Variants in RIMBP2 observed in about 807,000 individuals in gnomAD.
RIMBP2 encodes the protein RIMS binding protein 2.
Under a neutral mutation model 118.6 loss-of-function variants are expected in RIMBP2, and 48 were observed. The ratio of observed to expected loss-of-function variants is 0.40; its 90% CI spans 0.32 to 0.51. The LOEUF is 0.51. Among genes scored for constraint, RIMBP2 ranks in the 20% least tolerant of loss-of-function variants. RIMBP2 has a pLI of 0.41. For missense variants in RIMBP2, 1,551 were observed against 1,768.3 expected (o/e 0.88, Z 2.20); for synonymous variants, 762 against 742.9 (o/e 1.03, Z -0.42).
At chr12:130,686,904 G>C (rs2065075829) in intron 1 of RIMBP2, among the ~76,000 whole-genome samples, 1 of 152,226 alleles carries the variant, frequency 6.6e-6, no homozygotes, top group Non-Finnish European at 1.5e-5. Context: ...AACAGCGCAA[G>C]GCACAGGCGG....
At position 130,424,668 on chromosome 12, in the gene RIMBP2, C is replaced by T; in HGVS notation, c.2603G>A (p.Arg868Lys). ...RARTGLAREP[R>K]PGRPYRGDEA... is the part of the protein sequence containing the mutation. The stretch of plus-strand genomic sequence containing the variant: ...GTCGCCCCTGTAGGGCCTGCCGGGC[C>T]TGGGCTCTCTGGCCAGCCCCGTCCT... Residue 868 changes from arginine (R) to lysine (K), a missense_variant, in exon 16 of 23, where the codon AGG (arginine) becomes AAG (lysine). Physicochemically the swap from Arg to Lys is conservative, Grantham distance 26. Around this residue, in one of 5 missense-constraint regions of RIMBP2, gnomAD observed 1,038 missense variants for 1,125.1 expected, o/e 0.92. Transcript: ENST00000690449. This position sits in a 1 kb window ranked among gnomAD's most constrained non-coding sequence, Gnocchi z 9.8. 8.1e-7 allele frequency: 1 copy of T among 1,231,904 alleles called. No homozygotes were observed. The highest frequency in any genetic ancestry group is 1.0e-6 in the Non-Finnish European group (1 of 987,864). The allele number at this position is 1,231,904 out of a possible 1,614,324, so 76.3% of individuals were successfully genotyped here.
At chr12:130,711,216 C>G (rs557263190) in intron 1 of RIMBP2, among the ~76,000 whole-genome samples, 2 of 152,202 alleles carry the variant, frequency 1.3e-5, no homozygotes, top group East Asian at 3.8e-4. Context: ...GCATTCCAGC[C>G]TGGGTGACAG....
chr12:130,414,199 C>T lies in RIMBP2; in HGVS notation c.3346G>A (p.Asp1116Asn), dbSNP rs746048585. 1.2e-5 allele frequency: 19 copies of T among 1,614,030 alleles called. No individual in the cohort carries two copies. Among genetic ancestry groups the T allele is most frequent in the Admixed American group, 3.3e-5 (2 of 59,994 alleles). Residue 1116 changes from aspartate (D) to asparagine (N), a missense_variant, in exon 18 of 23, where the codon GAC becomes AAC. This residue lies in a region of RIMBP2 where 1,038 missense variants were observed against 1,125.1 expected (regional missense o/e 0.92). Transcript: ENST00000690449. ...ARIFVALFDY[D>N]PLTMSPNPDA... is the part of the protein sequence containing the mutation. ...GGGTTTGGGGACATGGTGAGCGGGTCGTAGTCAAAGAGAGCCACAAAGATC... is the reference window on the plus strand; with the variant it reads ...GGGTTTGGGGACATGGTGAGCGGGTTGTAGTCAAAGAGAGCCACAAAGATC...
At chr12:130,700,592 G>A (rs2065810841) in intron 1 of RIMBP2, among the ~76,000 whole-genome samples, 1 of 152,204 alleles carries the variant, frequency 6.6e-6, no homozygotes, top group Admixed American at 6.5e-5. Flanking sequence ...GGGGCAGGGG[G>A]CTGGCCACAG....
At chr12:130,410,037 C>T (rs1234416917) in intron 19 of RIMBP2, among the ~76,000 whole-genome samples, 3 of 152,258 alleles carry the variant, frequency 2.0e-5, no homozygotes, top group South Asian at 4.1e-4. Flanking sequence ...ACCTGGCACA[C>T]TTTGTGCCCA....
intron 19 of RIMBP2, among the ~76,000 whole-genome samples, chr12:130,408,538 TAAG>T (rs986643996): frequency 1.3e-5 from 2 of 152,066 alleles, no homozygotes; most frequent in Non-Finnish European, 2.9e-5. Context: ...CTCAGAAGCA[TAAG>T]AAGGGGCTGC....
chr12:130,642,734 T>C (rs989124914), intron 1 of RIMBP2, among the ~76,000 whole-genome samples: 2 of 152,252 alleles, frequency 1.3e-5, no homozygotes, highest in Non-Finnish European at 2.9e-5. Context: ...TTAATCCTGA[T>C]AGCAACAACC....
intron 4 of RIMBP2, among the ~76,000 whole-genome samples, chr12:130,500,361 G>C (rs2049624366): frequency 6.6e-6 from 1 of 152,232 alleles, no homozygotes; most frequent in Admixed American, 6.5e-5. Context: ...AGGAAGCTGA[G>C]GCAGGAGTAT....
intron 7 of RIMBP2, among the ~76,000 whole-genome samples, chr12:130,455,130 G>A (rs2079315280): frequency 6.6e-6 from 1 of 152,258 alleles, no homozygotes; most frequent in Admixed American, 6.5e-5. Flanking sequence ...TTGTCGCACG[G>A]AGTGGGGCTC....
At chr12:130,631,760 A>T (rs1232854155) in intron 1 of RIMBP2, among the ~76,000 whole-genome samples, 1 of 152,190 alleles carries the variant, frequency 6.6e-6, no homozygotes, top group African/African-American at 2.4e-5. Flanking sequence ...AAAGTATTGA[A>T]AGTGGGCTCA....
At position 130,501,816 on chromosome 12, in the gene RIMBP2, C is replaced by T. The variant is rs138677203; in HGVS notation, c.-4+4832G>A. ...CCACCAGCTTGCCCTTGAATTCTTCCCTGGGCAAAGCCAAGAACCCTCCCA... is the reference window on the plus strand; with the variant it reads ...CCACCAGCTTGCCCTTGAATTCTTCTCTGGGCAAAGCCAAGAACCCTCCCA... On this transcript the variant is annotated intron_variant, in intron 4 of 22. Coordinates refer to ENST00000690449, the MANE Select transcript of RIMBP2 (RefSeq NM_001393629.1). Among the ~76,000 whole-genome samples the T allele has an allele frequency of 4.5e-3, 685 of 152,310 alleles. 3 individuals are homozygous for T. The highest frequency in any genetic ancestry group is 3.9e-3 in the Admixed American group (60 of 15,306).
Position 130,597,433 on chromosome 12 carries a change from G to A in RIMBP2, c.-217+30889C>T, listed in dbSNP as rs547117007. On this transcript the variant is annotated intron_variant, in intron 2 of 22. Coordinates refer to ENST00000690449, the MANE Select transcript of RIMBP2 (RefSeq NM_001393629.1). ...TAATTTTTGTATTTTTAGTAGAGACGGGATTTCACCATGTTGGTCAGGCTG... is the reference window on the plus strand; with the variant it reads ...TAATTTTTGTATTTTTAGTAGAGACAGGATTTCACCATGTTGGTCAGGCTG... Among the ~76,000 whole-genome samples the A allele has an allele frequency of 5.3e-5, 8 of 152,166 alleles. No homozygotes were observed. In the East Asian group the frequency reaches 5.8e-4, roughly 11 times the overall value.
At chr12:130,399,632 AT>A in intron 22 of RIMBP2, 46 bp downstream of exon 22, 1 of 1,605,852 alleles carries the variant, frequency 6.2e-7, no homozygotes, top group South Asian at 1.1e-5. Flanking sequence ...TAGACCACAT[AT>A]GGCAGAACGG....
chr12:130,527,265 A>G (rs1401231044), intron 2 of RIMBP2, among the ~76,000 whole-genome samples: 1 of 152,244 alleles, frequency 6.6e-6, no homozygotes, highest in African/African-American at 2.4e-5. Context: ...AATGTGAAAT[A>G]CTATGCTAAT....
At position 130,478,903 on chromosome 12, in the gene RIMBP2, G is replaced by A. The variant is rs367831540; in HGVS notation, c.102+9C>T. 7.2e-5 allele frequency: 116 copies of A among 1,606,976 alleles called. No homozygotes were observed. Among genetic ancestry groups the A allele is most frequent in the South Asian group, 5.6e-4 (51 of 90,650 alleles). The stretch of plus-strand genomic sequence containing the variant: ...CCTCGCACGCCGCGCCCGGCTGCCC[G>A]CCGCTTACCTTCTGCAGAAGGTCAA... On this transcript the variant is annotated intron_variant, in intron 5 of 22. Coordinates refer to ENST00000690449, the MANE Select transcript of RIMBP2 (RefSeq NM_001393629.1).
In RIMBP2 at chr12:130,523,436, T is replaced by C. The variant is rs1301068191; in HGVS notation, c.-216-5519A>G. Among the ~76,000 whole-genome samples the C allele has an allele frequency of 6.6e-6, 1 of 152,190 alleles. No homozygotes were observed. The highest frequency in any genetic ancestry group is 1.5e-5 in the Non-Finnish European group (1 of 68,034). On this transcript the variant is annotated intron_variant, in intron 2 of 22. Coordinates refer to ENST00000690449, the MANE Select transcript of RIMBP2 (RefSeq NM_001393629.1). This position sits in a 1 kb window ranked among gnomAD's most constrained non-coding sequence, Gnocchi z 4.4. ...TGCTATGGCAGCCTGAGCTAGTGTA[T>C]AGCCTCTGCTAAAGCAACGAGACAT...
intron 2 of RIMBP2, among the ~76,000 whole-genome samples, chr12:130,573,683 G>A (rs2090232): frequency 6.6e-6 from 1 of 152,082 alleles, no homozygotes; most frequent in South Asian, 2.1e-4. Flanking sequence ...TCAGTGACAG[G>A]GGTAGCCAAG....
In RIMBP2 at chr12:130,523,103, TTC is replaced by T; in HGVS notation, c.-216-5188_-216-5187del. Among the ~76,000 whole-genome samples the T allele has an allele frequency of 6.6e-6, 1 of 152,128 alleles. No individual in the cohort carries two copies. Among genetic ancestry groups the T allele is most frequent in the South Asian group, 2.1e-4 (1 of 4,802 alleles). ...CTCCACGTCTCTGTTTCTCTGCTTC[TTC>T]TGTCTCTCCCAGTCTCACTCTGCCT... On this transcript the variant is annotated intron_variant, in intron 2 of 22. Coordinates refer to ENST00000690449, the MANE Select transcript of RIMBP2 (RefSeq NM_001393629.1). The surrounding 1 kb of genome is among the most constrained non-coding windows in gnomAD (Gnocchi z 4.4).
chr12:130,655,825 T>C (rs528087573), intron 1 of RIMBP2, among the ~76,000 whole-genome samples: 8 of 152,322 alleles, frequency 5.3e-5, no homozygotes, highest in Non-Finnish European at 1.2e-4. Context: ...GGAGGGACGT[T>C]GGCTTCAGAC....
Sources: gnomAD v4.1 joint callset for allele counts (sites outside exome capture counted in the v4.1 genomes callset) on GRCh38, gnomAD v4.1.1 for gene constraint, gnomAD v4.1.1 regional missense constraint, Gnocchi (gnomAD v3.1) non-coding constraint, MANE v1.5 for transcripts, NCBI Gene and HGNC (gene_info 2026-07-23, HGNC 2026-07-21) for gene names.